Variants in VRK2 observed in about 807,000 individuals in gnomAD.
VRK2 encodes the protein VRK serine/threonine kinase 2.
A neutral mutation model predicts 57.6 loss-of-function variants in VRK2; 60 were observed. That is an observed-to-expected ratio of 1.04 (90% confidence interval 0.85 to 1.29). The LOEUF (loss-of-function observed/expected upper bound fraction) is 1.29. Ranked by LOEUF, VRK2 falls within the 50% of genes most tolerant of loss-of-function variation. The probability of loss-of-function intolerance (pLI) is 0.00; values close to 1 mark genes in which losing one functional copy is unlikely to be tolerated. For synonymous variants in VRK2, 231 were observed against 199.2 expected, an observed-to-expected ratio of 1.16 and a Z score of -1.35; for missense variants, 705 against 588.1, an observed-to-expected ratio of 1.20 and a Z score of -2.06.
chr2:57,930,188 C>G (rs888431393), intron 1 of VRK2, among the ~76,000 whole-genome samples: 6 of 152,174 alleles, frequency 3.9e-5, no homozygotes, highest in Non-Finnish European at 8.8e-5. Flanking sequence ...TTCTTTGGTA[C>G]TCCAGAGTAC....
intron 1 of VRK2, among the ~76,000 whole-genome samples, chr2:57,936,470 T>A (rs1008864456): frequency 6.6e-6 from 1 of 152,020 alleles, no homozygotes. Flanking sequence ...TGATGCAAAA[T>A]TAAATAATTT....
At chr2:58,146,168 T>TC (rs1338355947) in intron 11 of VRK2, 148 bp from the exon 12 acceptor site, 8 of 641,644 alleles carry the variant, frequency 1.2e-5, no homozygotes, top group Non-Finnish European at 1.9e-5. Flanking sequence ...CTATAGTTTT[T>TC]CTGTAATGTC....
intron 2 of VRK2, among the ~76,000 whole-genome samples, chr2:58,051,993 G>A (rs1346517538): frequency 6.6e-6 from 1 of 152,100 alleles, no homozygotes; most frequent in Non-Finnish European, 1.5e-5. Flanking sequence ...GAATGAAAAA[G>A]TTTTTTAAAT....
chr2:58,159,731 T>G lies in VRK2; in HGVS notation c.*38T>G, dbSNP rs372719547. On this transcript the variant is annotated 3_prime_UTR_variant, in exon 13 of 13. Transcript: ENST00000340157. ...AATTCCTTTTGATAATTTTTTAAGT[T>G]TCCAGCTCTTCACCGAAATGTTGTA... 1.2e-5 allele frequency: 19 copies of G among 1,612,710 alleles called. No individual in the cohort carries two copies. The highest frequency in any genetic ancestry group is 1.5e-5 in the Non-Finnish European group (18 of 1,179,564).
intron 7 of VRK2, among the ~76,000 whole-genome samples, chr2:58,119,419 G>A (rs967155971): frequency 1.3e-5 from 2 of 148,530 alleles, no homozygotes; most frequent in East Asian, 4.0e-4. Context: ...GGAGGTTGCA[G>A]TGAGCCGAGA....
intron 7 of VRK2, among the ~76,000 whole-genome samples, chr2:58,096,581 T>G (rs1227137563): frequency 1.3e-5 from 2 of 151,996 alleles, no homozygotes; most frequent in African/African-American, 4.8e-5. Context: ...CTCTAGTTAT[T>G]TTAAACTTTA....
chr2:58,002,445 A>G (rs1235573742), intron 1 of VRK2, among the ~76,000 whole-genome samples: 2 of 152,222 alleles, frequency 1.3e-5, no homozygotes, highest in Non-Finnish European at 2.9e-5. Context: ...ATTGCACTCC[A>G]GCTTGGGCAA....
At chr2:58,041,667 C>T (rs983668037), upstream of VRK2, among the ~76,000 whole-genome samples, 1 of 152,170 alleles carries the variant, frequency 6.6e-6, no homozygotes, top group African/African-American at 2.4e-5. Flanking sequence ...AATCCCCTTC[C>T]CTTTCCAAGT....
At chr2:58,090,828 A>G (rs558376345) in intron 7 of VRK2, among the ~76,000 whole-genome samples, 1 of 152,312 alleles carries the variant, frequency 6.6e-6, no homozygotes, top group South Asian at 2.1e-4. Context: ...GAGTAGGTGA[A>G]TGGATAAACT....
chr2:58,120,044 G>C (rs537720642), intron 7 of VRK2, among the ~76,000 whole-genome samples: 26 of 151,944 alleles, frequency 1.7e-4, no homozygotes, highest in Non-Finnish European at 3.5e-4. Context: ...CTTTCTTAGA[G>C]TGCATGCTCC....
chr2:57,992,772 A>G (rs934448472), intron 1 of VRK2, among the ~76,000 whole-genome samples: 2 of 151,546 alleles, frequency 1.3e-5, no homozygotes, highest in East Asian at 1.9e-4. Context: ...TCCTGACCTC[A>G]TGATCCAGCC....
At chr2:58,035,661 C>A (rs1241832250) in intron 3 of VRK2, among the ~76,000 whole-genome samples, 1 of 151,976 alleles carries the variant, frequency 6.6e-6, no homozygotes, top group Non-Finnish European at 1.5e-5. Context: ...ATCAATTCAA[C>A]ATTGCTAACT....
intron 1 of VRK2, among the ~76,000 whole-genome samples, chr2:57,932,959 T>C (rs993673169): frequency 6.6e-6 from 1 of 152,218 alleles, no homozygotes; most frequent in Non-Finnish European, 1.5e-5. Flanking sequence ...TGTTGTTTAA[T>C]TTCCATATAT....
intron 1 of VRK2, among the ~76,000 whole-genome samples, chr2:57,975,218 T>C (rs955272652): frequency 6.6e-6 from 1 of 152,016 alleles, no homozygotes; most frequent in African/African-American, 2.4e-5. Flanking sequence ...AAGATACATT[T>C]AATACCAAGG....
At chr2:58,120,184 C>CTTTCTTTTTTTTTTTTTTTTTTTTTTTTT (rs1677215194) in intron 7 of VRK2, among the ~76,000 whole-genome samples, 3 of 51,988 alleles carry the variant, frequency 5.8e-5, no homozygotes, top group African/African-American at 3.1e-4. Context: ...TTTTTCTTTT[C>CTTTCTTTTTTTTTTTTTTTTTTTTTTTTT]TTTTTTTTTT....
Position 58,159,505 on chromosome 2 carries a change from T to G in VRK2, c.1339T>G (p.Ser447Ala), listed in dbSNP as rs765943099. The G allele has an allele frequency of 3.7e-6, 6 of 1,613,704 alleles. 1 individual carries two copies. In the East Asian group the frequency reaches 6.7e-5, roughly 18 times the overall value. The change falls in exon 13 of 13, where the codon TCT becomes GCT. Residue 447 changes from serine (S) to alanine (A), a missense_variant. Transcript: ENST00000340157. ...TCCAGATATATTCAAGAAGTCAAGA[T>G]CTCCATCTTGGTATAAATACACTTC... ...TSPDIFKKSR[S>A]PSWYKYTSTV...
intron 7 of VRK2, among the ~76,000 whole-genome samples, chr2:58,110,159 G>T (rs1264145116): frequency 6.6e-6 from 1 of 152,086 alleles, no homozygotes; most frequent in East Asian, 1.9e-4. Context: ...TGTTTTTCAT[G>T]ATCATACTCA....
intron 7 of VRK2, among the ~76,000 whole-genome samples, chr2:58,116,501 G>A (rs1479969182): frequency 6.6e-6 from 1 of 152,082 alleles, no homozygotes; most frequent in Non-Finnish European, 1.5e-5. Context: ...AAGCCTGGCT[G>A]TCAATACCCA....
chr2:58,158,014 C>T (rs1007584195), intron 12 of VRK2, among the ~76,000 whole-genome samples: 1 of 152,152 alleles, frequency 6.6e-6, no homozygotes, highest in African/African-American at 2.4e-5. Context: ...TTGATGAGTG[C>T]CTTGCCATAT....
Sources: allele counts gnomAD v4.1 joint callset (sites outside exome capture counted in the v4.1 genomes callset), GRCh38; gene constraint gnomAD v4.1.1; transcripts MANE v1.5; gene names NCBI Gene and HGNC (gene_info 2026-07-23, HGNC 2026-07-21).